Variants in CORO7 observed in about 807,000 individuals in gnomAD.
CORO7 encodes the protein coronin 7.
A neutral mutation model predicts 126.6 loss-of-function variants in CORO7; 107 were observed. That is an observed-to-expected ratio of 0.85 (90% CI 0.72 to 0.99). The LOEUF is 0.99. Ranked by LOEUF, CORO7 falls within the 50% of genes least tolerant of loss-of-function variation. The pLI is 0.00. For missense variants in CORO7, 1,314 were observed against 1,255.8 expected, an observed-to-expected ratio of 1.05 and a Z score of -0.70; for synonymous variants, 603 against 536.8, an observed-to-expected ratio of 1.12 and a Z score of -1.70.
chr16:4,406,670 A>G (rs1449829417), intron 5 of CORO7, among the ~76,000 whole-genome samples: 1 of 151,310 alleles, frequency 6.6e-6, no homozygotes, highest in Non-Finnish European at 1.5e-5. Context: ...CTTGTCCCCC[A>G]GGGTGGAGTG....
rs775534782 is a variant in CORO7, at chr16:4,361,344, G to C, written c.1687+17C>G. On this transcript the variant is annotated intron_variant, in intron 17 of 27. Coordinates refer to ENST00000251166, the MANE Select transcript of CORO7 (RefSeq NM_024535.5). ...ACCCAGGACCCTCCCTCAAGCCCAG[G>C]CACCCAGCCTCCTTACCCACAGCGA... 6.2e-7 allele frequency: 1 copy of C among 1,611,498 alleles called. No individual in the cohort carries two copies. The highest frequency in any genetic ancestry group is 1.1e-5 in the South Asian group (1 of 91,046).
intron 9 of CORO7, among the ~76,000 whole-genome samples, chr16:4,376,768 G>A (rs958897060): frequency 6.6e-6 from 1 of 152,114 alleles, no homozygotes; most frequent in Non-Finnish European, 1.5e-5. Context: ...GGCCGCCAAG[G>A]GACAGCTCAC....
At chr16:4,400,532 G>A (rs949682484) in intron 6 of CORO7, among the ~76,000 whole-genome samples, 3 of 152,050 alleles carry the variant, frequency 2.0e-5, no homozygotes, top group African/African-American at 7.2e-5. Context: ...ACTCGGGACG[G>A]GGAGGCAGGA....
chr16:4,375,925 G>A (rs978687339), intron 9 of CORO7, among the ~76,000 whole-genome samples: 2 of 152,198 alleles, frequency 1.3e-5, no homozygotes, highest in Non-Finnish European at 2.9e-5. Flanking sequence ...CCCAGAGAGG[G>A]GAGCTTGCTT....
intron 9 of CORO7, among the ~76,000 whole-genome samples, chr16:4,367,496 A>C (rs781667321): frequency 6.6e-6 from 1 of 152,202 alleles, no homozygotes; most frequent in African/African-American, 2.4e-5. Context: ...TCTGTCCTCA[A>C]GGTGCTCACA....
chr16:4,387,183 C>G (rs537338715), intron 9 of CORO7, among the ~76,000 whole-genome samples: 225 of 152,284 alleles, frequency 1.5e-3, no homozygotes, highest in African/African-American at 5.2e-3. Flanking sequence ...GAACACCCCC[C>G]CCAGCCTCAG....
In CORO7 at chr16:4,407,508, G is replaced by T; in HGVS notation, c.480C>A (p.Pro160=). ...VKVWDAAKQQ[P]LTELAAHGDL... ...GGCCAGGGTGGCCTGTACCTGTCAG[G>T]GGCTGCTGCTTGGCTGCGTCCCAGA... Residue 160 remains proline, a synonymous_variant, in exon 5 of 28, where the codon CCC becomes CCA. Coordinates refer to ENST00000251166, the MANE Select transcript of CORO7 (RefSeq NM_024535.5). The T allele has an allele frequency of 6.4e-7, 1 of 1,567,554 alleles. No individual in the cohort carries two copies. Among genetic ancestry groups the T allele is most frequent in the Non-Finnish European group, 8.6e-7 (1 of 1,156,332 alleles).
At chr16:4,400,087 A>C (rs1160544812) in intron 6 of CORO7, among the ~76,000 whole-genome samples, 2 of 152,132 alleles carry the variant, frequency 1.3e-5, no homozygotes, top group African/African-American at 4.8e-5. Context: ...AACCCAGGGG[A>C]TGTTAAGAGC....
chr16:4,405,522 C>T lies in CORO7; in HGVS notation c.533G>A (p.Arg178Gln), dbSNP rs34245892. ...GDLVQSAVWS[R>Q]DGALVGTACK... ...CGCCGTGCCCACCAGGGCTCCATCTCGGCTCCAGACGGCGCTCTGCACCAG... is the reference window on the plus strand; with the variant it reads ...CGCCGTGCCCACCAGGGCTCCATCTTGGCTCCAGACGGCGCTCTGCACCAG... The change falls in exon 6 of 28, where the codon CGA becomes CAA. Residue 178 changes from arginine to glutamine, a missense_variant. Transcript: ENST00000251166. 6,955 of 1,612,840 alleles carry T rather than the reference C, an allele frequency of 4.3e-3. 15 individuals are homozygous for T. Among genetic ancestry groups the T allele is most frequent in the African/African-American group, 6.2e-3 (467 of 75,050 alleles).
At chr16:4,409,393 G>A (rs1373077538) in intron 3 of CORO7, among the ~76,000 whole-genome samples, 1 of 152,236 alleles carries the variant, frequency 6.6e-6, no homozygotes, top group Non-Finnish European at 1.5e-5. Flanking sequence ...CTGGGCAGGT[G>A]TAGCAGCTGG....
At chr16:4,370,692 G>T (rs1408291220) in intron 9 of CORO7, among the ~76,000 whole-genome samples, 1 of 152,240 alleles carries the variant, frequency 6.6e-6, no homozygotes, top group Non-Finnish European at 1.5e-5. Context: ...TCCCAGCCAG[G>T]CCCTGCTTAG....
rs551924189 is a variant in CORO7, at chr16:4,395,522, C to T, written c.565-183G>A. Among the ~76,000 whole-genome samples, 3 of 152,328 alleles carry T rather than the reference C, an allele frequency of 2.0e-5. No homozygotes were observed. The East Asian group carries it at 5.8e-4, about 29-fold the overall frequency. ...TCCTCCTCCTCAGCACAGCAGCAAC[C>T]ACCACCCAGTCCCCCAGGTTTCTGT... On this transcript the variant is annotated intron_variant, in intron 6 of 27. Transcript: ENST00000251166.
intron 9 of CORO7, among the ~76,000 whole-genome samples, chr16:4,371,451 GTC>G (rs2054516677): frequency 6.6e-6 from 1 of 152,166 alleles, no homozygotes; most frequent in Non-Finnish European, 1.5e-5. Context: ...GCCCGGGCTG[GTC>G]ATGAGGACTC....
chr16:4,362,944 AAGTG>A lies in CORO7; in HGVS notation c.1276-210_1276-207del. 2.0e-6 allele frequency: 1 copy of A among 490,196 alleles called. No individual in the cohort carries two copies. The highest frequency in any genetic ancestry group is 3.2e-6 in the Non-Finnish European group (1 of 310,116). 30.4% of individuals were successfully genotyped at this position (490,196 alleles called of 1,614,324 possible). A position where few individuals can be genotyped will look rare whatever the true frequency, so the allele number is the denominator to read the frequency against. On this transcript the variant is annotated intron_variant, in intron 14 of 27. Coordinates refer to ENST00000251166, the MANE Select transcript of CORO7 (RefSeq NM_024535.5). The surrounding 1 kb of genome is among the most constrained non-coding windows in gnomAD (Gnocchi z 5.3). ...CCGAGCTTCAGACCGCGGGGACAGCAAGTGGCAGCTGCTGGCTCCCAGCCCTGCA... is the reference window on the plus strand; with the variant it reads ...CCGAGCTTCAGACCGCGGGGACAGCAGCAGCTGCTGGCTCCCAGCCCTGCA...
intron 6 of CORO7, chr16:4,397,476 G>T (rs8055628): frequency 6.6e-6 from 1 of 151,874 alleles, no homozygotes; most frequent in East Asian, 1.9e-4. Flanking sequence ...AAAAGCTGCC[G>T]TAGGCCAGGC....
intron 6 of CORO7, 104 bp from the exon 7 acceptor site, chr16:4,395,443 T>G (rs2141283935): frequency 1.3e-6 from 2 of 1,481,604 alleles, no homozygotes; most frequent in East Asian, 4.6e-5. Context: ...GAGCAGCCCA[T>G]CCCCAGCACG....
intron 23 of CORO7, 41 bp downstream of exon 23, chr16:4,359,255 C>T (rs1487541906): frequency 6.4e-7 from 1 of 1,551,698 alleles, no homozygotes; most frequent in Non-Finnish European, 8.7e-7. Flanking sequence ...GCAGGGCAGC[C>T]TTGTGGTCCC....
At chr16:4,371,585 A>T (rs561409571) in intron 9 of CORO7, among the ~76,000 whole-genome samples, 5 of 152,058 alleles carry the variant, frequency 3.3e-5, no homozygotes, top group African/African-American at 1.2e-4. Flanking sequence ...GACGCTTAGG[A>T]TTCCTAAATA....
chr16:4,396,859 T>TA (rs2055610366), intron 6 of CORO7, among the ~76,000 whole-genome samples: 1 of 149,924 alleles, frequency 6.7e-6, no homozygotes, highest in African/African-American at 2.5e-5. Context: ...CTACTGAAAA[T>TA]AAAAAAATTA....
Sources: allele counts gnomAD v4.1 joint callset (sites outside exome capture counted in the v4.1 genomes callset), GRCh38; gene constraint gnomAD v4.1.1; non-coding constraint Gnocchi (gnomAD v3.1); transcripts MANE v1.5; gene names NCBI Gene and HGNC (gene_info 2026-07-23, HGNC 2026-07-21).